Variants in SUGCT observed in about 807,000 individuals in gnomAD.
SUGCT encodes succinyl-CoA:glutarate-CoA transferase, also known as succinyl-CoA:glutarate CoA-transferase.
SUGCT carries 41 observed loss-of-function variants against 55.0 expected under a neutral mutation model. That is an observed-to-expected ratio of 0.74 (90% CI 0.58 to 0.97). The LOEUF (loss-of-function observed/expected upper bound fraction) is 0.97, where lower values mean the gene tolerates loss of function less well. Ranked by LOEUF, SUGCT falls within the 50% of genes least tolerant of loss-of-function variation. SUGCT has a pLI of 0.00. For synonymous variants in SUGCT, 187 were observed against 200.4 expected (o/e 0.93, Z 0.56); for missense variants, 568 against 547.8 (o/e 1.04, Z -0.37).
At chr7:40,656,949 G>A (rs1801044709) in intron 12 of SUGCT, among the ~76,000 whole-genome samples, 2 of 152,186 alleles carry the variant, frequency 1.3e-5, no homozygotes, top group African/African-American at 4.8e-5. Context: ...CACTGCTCTT[G>A]TCATAGCAGA....
intron 12 of SUGCT, among the ~76,000 whole-genome samples, chr7:40,683,034 A>G (rs545917711): frequency 4.7e-4 from 72 of 151,980 alleles, no homozygotes; most frequent in Admixed American, 7.9e-4. Context: ...CATTTTTTTA[A>G]TTTGTCAATT....
chr7:40,338,334 G>A (rs1424545412), intron 9 of SUGCT, among the ~76,000 whole-genome samples: 1 of 152,156 alleles, frequency 6.6e-6, no homozygotes, highest in African/African-American at 2.4e-5. Flanking sequence ...ATAATATCCT[G>A]CAGAGTGTTT....
At chr7:40,195,708 C>CTTTTTT (rs928397687) in intron 6 of SUGCT, among the ~76,000 whole-genome samples, 75 of 69,416 alleles carry the variant, frequency 1.1e-3, no homozygotes, top group South Asian at 1.8e-3. Context: ...GAAAACAATT[C>CTTTTTT]TTTTTTTTTT....
At chr7:40,501,342 A>T (rs1792270985) in intron 12 of SUGCT, among the ~76,000 whole-genome samples, 1 of 152,152 alleles carries the variant, frequency 6.6e-6, no homozygotes, top group African/African-American at 2.4e-5. Context: ...TTAAGCTCCC[A>T]GTTTTTTATT....
In SUGCT at chr7:40,860,467, T is replaced by G; in HGVS notation, c.1305T>G (p.His435Gln). 6.2e-7 allele frequency: 1 copy of G among 1,610,646 alleles called. No individual in the cohort carries two copies. The highest frequency in any genetic ancestry group is 8.5e-7 in the Non-Finnish European group (1 of 1,177,398). The part of the protein sequence containing the change: ...ELLSAGVVDQ[H>Q]ETH ...TCAGCGCTGGAGTGGTGGACCAACA[T>G]GAAACTCACTGACAAAGGAAAAGGG... The change falls in exon 14 of 14, where the codon CAT becomes CAG. Residue 435 changes from histidine (H) to glutamine (Q), a missense_variant. Transcript: ENST00000335693.
chr7:40,677,751 G>A lies in SUGCT; in HGVS notation c.1090-71683G>A, dbSNP rs189616585. 3.3e-5 allele frequency among the ~76,000 whole-genome samples: 5 copies of A among 152,330 alleles called. No individual in the cohort carries two copies. In the East Asian group the frequency reaches 5.8e-4, roughly 18 times the overall value. On this transcript the variant is annotated intron_variant, in intron 12 of 13. Coordinates refer to ENST00000335693, the MANE Select transcript of SUGCT (RefSeq NM_001193313.2). Reference sequence around the variant, plus strand: ...AAAAGAGAATGGGGTTGGAAATGACGTTGGGTTAGTAGCTGTATCTATTGC... The same window carrying A: ...AAAAGAGAATGGGGTTGGAAATGACATTGGGTTAGTAGCTGTATCTATTGC...
chr7:40,989,293 C>T, the SUGCT span, among the ~76,000 whole-genome samples: 2 of 152,300 alleles, frequency 1.3e-5, no homozygotes, highest in Middle Eastern at 3.4e-3. Context: ...AAATTGGAGT[C>T]AGTCCTCCCA....
chr7:40,541,858 G>A (rs1040953179), intron 12 of SUGCT, among the ~76,000 whole-genome samples: 1 of 152,174 alleles, frequency 6.6e-6, no homozygotes, highest in Non-Finnish European at 1.5e-5. Flanking sequence ...ATTCAGAGAA[G>A]TCACAACTTG....
intron 7 of SUGCT, among the ~76,000 whole-genome samples, chr7:40,247,486 A>G (rs1789974399): frequency 6.6e-6 from 1 of 152,006 alleles, no homozygotes; most frequent in African/African-American, 2.4e-5. Context: ...TTGAACTCCT[A>G]ACCTCAATTG....
chr7:40,300,260 A>T (rs551523855), intron 8 of SUGCT, among the ~76,000 whole-genome samples: 2 of 152,316 alleles, frequency 1.3e-5, no homozygotes, highest in South Asian at 2.1e-4. Flanking sequence ...TTGACTCAAG[A>T]TACAGGACTT....
At chr7:40,740,980 A>G (rs903349131) in intron 12 of SUGCT, among the ~76,000 whole-genome samples, 16 of 152,168 alleles carry the variant, frequency 1.1e-4, no homozygotes, top group African/African-American at 3.9e-4. Flanking sequence ...AATATGTAAA[A>G]AACTCATACA....
the SUGCT span, among the ~76,000 whole-genome samples, chr7:41,005,206 A>C: frequency 9.1e-4 from 138 of 152,196 alleles, no homozygotes; most frequent in Middle Eastern, 3.4e-3. Flanking sequence ...GTAAAGTTTG[A>C]GTGAGGAGAT....
intron 12 of SUGCT, among the ~76,000 whole-genome samples, chr7:40,743,765 A>G (rs574024647): frequency 6.6e-6 from 1 of 152,300 alleles, no homozygotes; most frequent in South Asian, 2.1e-4. Context: ...TATTGGTAAC[A>G]GGAAAAACAG....
chr7:40,349,519 T>C (rs1797502414), intron 9 of SUGCT, among the ~76,000 whole-genome samples: 1 of 152,198 alleles, frequency 6.6e-6, no homozygotes, highest in African/African-American at 2.4e-5. Context: ...CTAGTCTTTG[T>C]CATTCTGTTT....
chr7:40,565,411 C>T (rs1483411276), intron 12 of SUGCT, among the ~76,000 whole-genome samples: 1 of 152,184 alleles, frequency 6.6e-6, no homozygotes, highest in Admixed American at 6.5e-5. Flanking sequence ...GAATAAAGGT[C>T]TAATGGTAGA....
At chr7:40,232,922 GT>G (rs1236064990) in intron 6 of SUGCT, among the ~76,000 whole-genome samples, 1 of 151,986 alleles carries the variant, frequency 6.6e-6, no homozygotes, top group African/African-American at 2.4e-5. Flanking sequence ...AATCATAGTT[GT>G]TTTTGGAATT....
At chr7:40,314,559 C>CTTTTT (rs1292941632) in intron 8 of SUGCT, among the ~76,000 whole-genome samples, 47,609 of 108,070 alleles carry the variant, frequency 0.44, 12,281 homozygotes, top group Non-Finnish European at 0.56. Context: ...TCCCTTGTGT[C>CTTTTT]TTTTTTTTTT....
At chr7:40,525,416 T>C (rs764880840) in intron 12 of SUGCT, among the ~76,000 whole-genome samples, 1 of 152,150 alleles carries the variant, frequency 6.6e-6, no homozygotes, top group Admixed American at 6.6e-5. Flanking sequence ...AATGAAGTAT[T>C]GATGGGTTTT....
At chr7:40,843,508 C>CAAAAAAAAAAAAAAAAAAA (rs57586466) in intron 13 of SUGCT, among the ~76,000 whole-genome samples, 2 of 127,880 alleles carry the variant, frequency 1.6e-5, no homozygotes, top group Non-Finnish European at 1.7e-5. Context: ...GACTCTGTCT[C>CAAAAAAAAAAAAAAAAAAA]AAAAAAAAAA....
Sources: allele counts gnomAD v4.1 joint callset (sites outside exome capture counted in the v4.1 genomes callset), GRCh38; gene constraint gnomAD v4.1.1; transcripts MANE v1.5; gene names NCBI Gene and HGNC (gene_info 2026-07-23, HGNC 2026-07-21).